Variants in CTNNA3 observed in about 807,000 individuals in gnomAD.
CTNNA3 encodes catenin alpha-3.
Under a neutral mutation model 95.7 loss-of-function variants are expected in CTNNA3, and 76 were observed. The observed-to-expected ratio is 0.79, with a 90% CI of 0.66 to 0.96. The LOEUF (loss-of-function observed/expected upper bound fraction) is 0.96, where lower values mean the gene tolerates loss of function less well. Among genes scored for constraint, CTNNA3 ranks in the 40% least tolerant of loss-of-function variants. The pLI is 0.00. For missense variants in CTNNA3, 1,191 were observed against 1,089.8 expected, an observed-to-expected ratio of 1.09 and a Z score of -1.31; for synonymous variants, 431 against 374.4, an observed-to-expected ratio of 1.15 and a Z score of -1.74.
chr10:67,216,693 T>C (rs12782762), intron 6 of CTNNA3, among the ~76,000 whole-genome samples: 2 of 152,168 alleles, frequency 1.3e-5, no homozygotes, highest in Non-Finnish European at 2.9e-5. Flanking sequence ...TAAGAAAATA[T>C]ACATACATAT....
intron 7 of CTNNA3, among the ~76,000 whole-genome samples, chr10:66,999,091 C>T (rs1318566374): frequency 6.6e-6 from 1 of 151,960 alleles, no homozygotes; most frequent in Non-Finnish European, 1.5e-5. Flanking sequence ...AATTGGAACA[C>T]TATAGAAACA....
intron 12 of CTNNA3, among the ~76,000 whole-genome samples, chr10:66,371,885 A>T (rs2092757223): frequency 6.6e-6 from 1 of 152,302 alleles, no homozygotes; most frequent in East Asian, 1.9e-4. Context: ...GTTGAGTTTA[A>T]AGCAAGTGAG....
chr10:66,740,384 G>T lies in CTNNA3; in HGVS notation c.1281+25880C>A, dbSNP rs149996005. ...CTGGGGTTTATGCTCCCTAGGTTTAGAAGATTTTATGTTTCAACTCCACAG... is the reference window on the plus strand; with the variant it reads ...CTGGGGTTTATGCTCCCTAGGTTTATAAGATTTTATGTTTCAACTCCACAG... On this transcript the variant is annotated intron_variant, in intron 9 of 17. Coordinates refer to ENST00000433211, the MANE Select transcript of CTNNA3 (RefSeq NM_013266.4). Among the ~76,000 whole-genome samples, 46 of 152,284 alleles carry T rather than the reference G, an allele frequency of 3.0e-4. 1 individual carries two copies. The East Asian group carries it at 8.9e-3, about 29-fold the overall frequency.
chr10:67,146,343 T>A (rs1271293312), intron 7 of CTNNA3, among the ~76,000 whole-genome samples: 2 of 152,230 alleles, frequency 1.3e-5, no homozygotes, highest in African/African-American at 4.8e-5. Context: ...TAACTGAGAA[T>A]ATTTTAAGTG....
At chr10:66,004,044 A>G (rs1015550362) in intron 15 of CTNNA3, among the ~76,000 whole-genome samples, 1 of 152,212 alleles carries the variant, frequency 6.6e-6, no homozygotes, top group African/African-American at 2.4e-5. Flanking sequence ...ACTTTTCTCC[A>G]ACATATAAGA....
At chr10:66,061,996 A>G (rs7915266) in intron 15 of CTNNA3, among the ~76,000 whole-genome samples, 12,620 of 152,150 alleles carry the variant, frequency 0.083, 787 homozygotes, top group East Asian at 0.19. Context: ...TTGTTGTACA[A>G]TGGGTAGGTG....
intron 13 of CTNNA3, among the ~76,000 whole-genome samples, chr10:66,175,005 G>A (rs1401329115): frequency 1.3e-5 from 2 of 152,030 alleles, no homozygotes; most frequent in Non-Finnish European, 1.5e-5. Context: ...GATAATCAAT[G>A]TGTCATTGCC....
intron 5 of CTNNA3, among the ~76,000 whole-genome samples, chr10:67,446,934 T>C (rs941104639): frequency 2.8e-4 from 42 of 152,100 alleles, no homozygotes; most frequent in Non-Finnish European, 4.0e-4. Context: ...TGAAACCCCG[T>C]CTCTCCTAAA....
In CTNNA3 at chr10:67,268,343, TTAAATTAAATTAAA is replaced by T. The variant is rs1380490586; in HGVS notation, c.580-48487_580-48474del. Among the ~76,000 whole-genome samples, 18 of 150,730 alleles carry T rather than the reference TTAAATTAAATTAAA, an allele frequency of 1.2e-4. 1 individual carries two copies. In the East Asian group the frequency reaches 3.5e-3, roughly 29 times the overall value. ...TTAAATTAAATTAAATTAAATTAAATTAAATTAAATTAAATAAATAAATAAAAAATCAGCCGTTA... is the reference window on the plus strand; with the variant it reads ...TTAAATTAAATTAAATTAAATTAAATTAAATAAATAAAAAATCAGCCGTTA... On this transcript the variant is annotated intron_variant, in intron 5 of 17. Coordinates refer to ENST00000433211, the MANE Select transcript of CTNNA3 (RefSeq NM_013266.4).
At chr10:67,037,633 A>G (rs758780843) in intron 7 of CTNNA3, among the ~76,000 whole-genome samples, 15 of 152,188 alleles carry the variant, frequency 9.9e-5, no homozygotes, top group Non-Finnish European at 2.2e-4. Flanking sequence ...AACCTGAACT[A>G]AGACACTAAC....
intron 9 of CTNNA3, among the ~76,000 whole-genome samples, chr10:66,682,812 G>T (rs1360965142): frequency 6.6e-6 from 1 of 152,002 alleles, no homozygotes; most frequent in Non-Finnish European, 1.5e-5. Context: ...CAACATTAAA[G>T]AATACATTTA....
chr10:66,798,613 T>A (rs1841305768), intron 7 of CTNNA3, among the ~76,000 whole-genome samples: 3 of 150,556 alleles, frequency 2.0e-5, no homozygotes, highest in South Asian at 2.1e-4. Context: ...AAAAAAAAAA[T>A]GGGTAGAAAA....
At chr10:65,943,098 C>G (rs1223107654) in intron 17 of CTNNA3, among the ~76,000 whole-genome samples, 1 of 149,270 alleles carries the variant, frequency 6.7e-6, no homozygotes, top group East Asian at 2.0e-4. Flanking sequence ...GAGTCTCGCT[C>G]TGTGGCCCAG....
At chr10:67,123,427 C>T (rs1358106722) in intron 7 of CTNNA3, among the ~76,000 whole-genome samples, 1 of 152,142 alleles carries the variant, frequency 6.6e-6, no homozygotes, top group East Asian at 1.9e-4. Flanking sequence ...TTCACCACTG[C>T]AGCATAATAC....
intron 14 of CTNNA3, among the ~76,000 whole-genome samples, chr10:66,096,493 G>GT (rs897309143): frequency 6.8e-6 from 1 of 146,978 alleles, no homozygotes; most frequent in Non-Finnish European, 1.5e-5. Context: ...ATTAAATGTT[G>GT]TTTTTTTCTT....
In CTNNA3 at chr10:66,868,635, C is replaced by T. The variant is rs548256911; in HGVS notation, c.1048-93111G>A. On this transcript the variant is annotated intron_variant, in intron 7 of 17. Transcript: ENST00000433211. ...GCATAGGGGTGGGTGCCTGTAATCC[C>T]AGCTACTCAGGAGGCTGAGGCAGGA... Among the ~76,000 whole-genome samples the T allele has an allele frequency of 3.3e-5, 5 of 151,790 alleles. No individual in the cohort carries two copies. The South Asian group carries it at 1.0e-3, about 32-fold the overall frequency.
chr10:67,555,605 G>C (rs906569804), intron 3 of CTNNA3, among the ~76,000 whole-genome samples: 1 of 152,146 alleles, frequency 6.6e-6, no homozygotes, highest in African/African-American at 2.4e-5. Context: ...CATTGATTTT[G>C]TATCCTGAGA....
intron 10 of CTNNA3, among the ~76,000 whole-genome samples, chr10:66,568,572 A>G (rs539486918): frequency 3.3e-5 from 5 of 152,218 alleles, no homozygotes; most frequent in Non-Finnish European, 7.4e-5. Context: ...CATACAGAAC[A>G]TAACATTTTT....
At chr10:66,367,875 A>T (rs1161650265) in intron 12 of CTNNA3, among the ~76,000 whole-genome samples, 30 of 13,440 alleles carry the variant, frequency 2.2e-3, no homozygotes, top group African/African-American at 7.5e-3. Context: ...AATAATAATA[A>T]TAATAATTAT....
Sources: allele counts gnomAD v4.1 joint callset (sites outside exome capture counted in the v4.1 genomes callset), GRCh38; gene constraint gnomAD v4.1.1; transcripts MANE v1.5; gene names NCBI Gene and HGNC (gene_info 2026-07-23, HGNC 2026-07-21).